Variants in DLG2 observed in about 807,000 individuals in gnomAD.
DLG2 encodes the protein discs large MAGUK scaffold protein 2.
Under a neutral mutation model 132.5 loss-of-function variants are expected in DLG2, and 45 were observed. The observed-to-expected ratio is 0.34, with a 90% CI of 0.27 to 0.44. The LOEUF (loss-of-function observed/expected upper bound fraction) is 0.44. Among genes scored for constraint, DLG2 ranks in the 20% least tolerant of loss-of-function variants. The probability of loss-of-function intolerance (pLI) is 1.00; values close to 1 mark genes in which losing one functional copy is unlikely to be tolerated. For synonymous variants in DLG2, 424 were observed against 419.6 expected, an observed-to-expected ratio of 1.01 and a Z score of -0.13; for missense variants, 1,045 against 1,196.9, an observed-to-expected ratio of 0.87 and a Z score of 1.87.
chr11:83,492,973 C>A (rs1190277558), intron 21 of DLG2, among the ~76,000 whole-genome samples: 1 of 152,018 alleles, frequency 6.6e-6, no homozygotes, highest in East Asian at 1.9e-4. Context: ...AGTGACTTCC[C>A]ACCTCATTCA....
intron 3 of DLG2, among the ~76,000 whole-genome samples, chr11:85,513,796 C>T (rs572334497): frequency 6.6e-6 from 1 of 151,994 alleles, no homozygotes; most frequent in Admixed American, 6.6e-5. Context: ...TTTGATATGT[C>T]TTATATTTAA....
intron 19 of DLG2, among the ~76,000 whole-genome samples, chr11:83,553,478 A>C (rs1000091676): frequency 3.4e-5 from 4 of 117,550 alleles, no homozygotes; most frequent in Admixed American, 1.9e-4. Context: ...GTAAGAAGTA[A>C]GCACCGTGTG....
chr11:85,039,346 G>A (rs1475663221), intron 6 of DLG2, among the ~76,000 whole-genome samples: 1 of 151,814 alleles, frequency 6.6e-6, no homozygotes, highest in African/African-American at 2.4e-5. Context: ...CTAGGTAGTT[G>A]ATCAGTACAC....
chr11:84,331,452 A>T (rs7951660), intron 7 of DLG2, among the ~76,000 whole-genome samples: 4,042 of 144,534 alleles, frequency 0.028, 174 homozygotes, highest in African/African-American at 0.093. Context: ...AAAAAAAAAA[A>T]AAAAAAAAAT....
At chr11:84,025,233 T>G (rs1259038520) in intron 11 of DLG2, among the ~76,000 whole-genome samples, 3 of 152,114 alleles carry the variant, frequency 2.0e-5, no homozygotes, top group Non-Finnish European at 4.4e-5. Context: ...CTCACAATCA[T>G]GGTGGAAGGC....
chr11:84,124,729 T>C (rs1014616705), intron 9 of DLG2, among the ~76,000 whole-genome samples: 2 of 152,194 alleles, frequency 1.3e-5, no homozygotes, highest in East Asian at 1.9e-4. Context: ...TTTTGAAATA[T>C]TGAATCTGCC....
At chr11:83,638,008 A>G (rs2065301188) in intron 18 of DLG2, among the ~76,000 whole-genome samples, 1 of 152,178 alleles carries the variant, frequency 6.6e-6, no homozygotes, top group African/African-American at 2.4e-5. Context: ...CATGAAATAG[A>G]TGTTTGGTAA....
intron 8 of DLG2, among the ~76,000 whole-genome samples, chr11:84,196,807 G>A (rs981414093): frequency 5.9e-5 from 9 of 152,086 alleles, no homozygotes; most frequent in South Asian, 4.2e-4. Context: ...TTGGGAGGCC[G>A]AGACGGGTGG....
intron 11 of DLG2, among the ~76,000 whole-genome samples, chr11:84,009,753 A>T (rs1686311259): frequency 6.6e-6 from 1 of 152,094 alleles, no homozygotes; most frequent in Non-Finnish European, 1.5e-5. Flanking sequence ...GATTGTTTTT[A>T]TTATTTACTA....
At chr11:84,266,648 G>A (rs1486841830) in intron 7 of DLG2, among the ~76,000 whole-genome samples, 1 of 152,058 alleles carries the variant, frequency 6.6e-6, no homozygotes, top group African/African-American at 2.4e-5. Flanking sequence ...CCATGAACTG[G>A]GACTGAAAGT....
chr11:84,587,715 C>A (rs922264466), intron 6 of DLG2, among the ~76,000 whole-genome samples: 3 of 152,166 alleles, frequency 2.0e-5, no homozygotes, highest in African/African-American at 4.8e-5. Context: ...CTGCAGTGAT[C>A]GGCAAAATAC....
chr11:84,460,771 T>C (rs992368935), intron 7 of DLG2, among the ~76,000 whole-genome samples: 3 of 150,730 alleles, frequency 2.0e-5, no homozygotes, highest in Admixed American at 2.0e-4. Flanking sequence ...TAACCATTTC[T>C]CTAGTGCTGA....
intron 6 of DLG2, among the ~76,000 whole-genome samples, chr11:85,018,381 C>A (rs1444398988): frequency 6.6e-6 from 1 of 152,096 alleles, no homozygotes; most frequent in Admixed American, 6.6e-5. Context: ...CTTTTTAGTT[C>A]TGTTGTGGTA....
rs1012348661 is a variant in DLG2 at position 83,665,242 on chromosome 11, A to G, written c.1826-31917T>C. ...GGGTGTGAGGGGGAATCTTGCATAG[A>G]AGAGGCTGGTAGAGTTAGTTCTAGG... On this transcript the variant is annotated intron_variant, in intron 18 of 27. Coordinates refer to ENST00000376104, the MANE Select transcript of DLG2 (RefSeq NM_001142699.3). Among the ~76,000 whole-genome samples, 9 of 152,272 alleles carry G rather than the reference A, an allele frequency of 5.9e-5. No individual in the cohort carries two copies. In the Middle Eastern group the frequency reaches 0.017, roughly 288 times the overall value.
intron 6 of DLG2, among the ~76,000 whole-genome samples, chr11:84,948,202 G>C (rs2050467995): frequency 6.6e-6 from 1 of 152,206 alleles, no homozygotes; most frequent in Non-Finnish European, 1.5e-5. Flanking sequence ...CTGCTGGAAG[G>C]CCTTCCCATA....
At chr11:84,141,494 T>TA (rs1483404645) in intron 9 of DLG2, among the ~76,000 whole-genome samples, 1 of 152,154 alleles carries the variant, frequency 6.6e-6, no homozygotes, top group Non-Finnish European at 1.5e-5. Context: ...AACTAGTTTT[T>TA]ATCCTTTGTC....
At chr11:84,308,189 G>C (rs534290913) in intron 7 of DLG2, among the ~76,000 whole-genome samples, 18 of 152,204 alleles carry the variant, frequency 1.2e-4, no homozygotes, top group African/African-American at 4.1e-4. Flanking sequence ...GGTCTGTTTT[G>C]ACAGGGGGCT....
intron 6 of DLG2, among the ~76,000 whole-genome samples, chr11:84,570,817 A>C (rs1016962004): frequency 2.0e-5 from 3 of 152,180 alleles, no homozygotes; most frequent in Admixed American, 2.0e-4. Flanking sequence ...GCTGGACTAA[A>C]ACTGTGTCTT....
chr11:84,951,593 T>A (rs1484756565), intron 6 of DLG2, among the ~76,000 whole-genome samples: 1 of 150,358 alleles, frequency 6.7e-6, no homozygotes, highest in African/African-American at 2.5e-5. Context: ...TACATACATA[T>A]ATATATACAC....
Sources: allele counts gnomAD v4.1 joint callset (sites outside exome capture counted in the v4.1 genomes callset), GRCh38; gene constraint gnomAD v4.1.1; transcripts MANE v1.5; gene names NCBI Gene and HGNC (gene_info 2026-07-23, HGNC 2026-07-21).